Variants in DOCK4 observed in about 807,000 individuals in gnomAD.
DOCK4 encodes dedicator of cytokinesis 4, also known as dedicator of cytokinesis protein 4.
A neutral mutation model predicts 268.1 loss-of-function variants in DOCK4; 97 were observed. The observed-to-expected ratio is 0.36, with a 90% CI of 0.31 to 0.43. The LOEUF (loss-of-function observed/expected upper bound fraction) is 0.43. DOCK4 is among the 20% of genes least tolerant of loss of function. The pLI is 1.00. For synonymous variants in DOCK4, 954 were observed against 887.2 expected, an observed-to-expected ratio of 1.08 and a Z score of -1.34; for missense variants, 2,145 against 2,455.7, an observed-to-expected ratio of 0.87 and a Z score of 2.67.
At chr7:112,130,306 A>G (rs917944766) in intron 1 of DOCK4, among the ~76,000 whole-genome samples, 5 of 152,214 alleles carry the variant, frequency 3.3e-5, no homozygotes, top group African/African-American at 1.2e-4. Context: ...CCCTGGTGCC[A>G]TCTGACAGGT....
At chr7:111,863,688 G>T in intron 22 of DOCK4, 124 bp from the exon 23 acceptor site, 4 of 1,037,998 alleles carry the variant, frequency 3.9e-6, no homozygotes, top group Non-Finnish European at 5.3e-6. Context: ...AGTATGAAAT[G>T]TTTCTGTTAC....
At chr7:111,804,365 C>T (rs984833473) in intron 30 of DOCK4, among the ~76,000 whole-genome samples, 4 of 152,224 alleles carry the variant, frequency 2.6e-5, no homozygotes, top group East Asian at 1.9e-4. Context: ...ATTCCACTTA[C>T]GTGAGGTACC....
At chr7:112,190,559 G>A (rs547562379) in intron 1 of DOCK4, among the ~76,000 whole-genome samples, 1 of 152,238 alleles carries the variant, frequency 6.6e-6, no homozygotes, top group South Asian at 2.1e-4. Context: ...TAGGATGGAG[G>A]ACAGCGTATG....
At chr7:111,768,802 G>C (rs772062831) in intron 37 of DOCK4, among the ~76,000 whole-genome samples, 21 of 152,222 alleles carry the variant, frequency 1.4e-4, no homozygotes, top group Non-Finnish European at 2.9e-4. Context: ...AATTTCGGGA[G>C]AGTGTGAAGG....
chr7:111,942,508 A>C (rs1335894934), intron 10 of DOCK4, among the ~76,000 whole-genome samples: 1 of 151,988 alleles, frequency 6.6e-6, no homozygotes, highest in Admixed American at 6.6e-5. Flanking sequence ...GGTTCTCTTC[A>C]CCGCCTTGCC....
At chr7:111,839,639 G>A (rs1476902990) in intron 25 of DOCK4, among the ~76,000 whole-genome samples, 1 of 151,912 alleles carries the variant, frequency 6.6e-6, no homozygotes, top group African/African-American at 2.4e-5. Flanking sequence ...TAATCCCTTG[G>A]GCATTTATGA....
intron 1 of DOCK4, among the ~76,000 whole-genome samples, chr7:112,087,525 A>T (rs1809208350): frequency 6.6e-6 from 1 of 152,170 alleles, no homozygotes; most frequent in Admixed American, 6.6e-5. Flanking sequence ...AATATCCTGC[A>T]GCTCTGGAAT....
At chr7:112,118,759 T>G (rs909394317) in intron 1 of DOCK4, among the ~76,000 whole-genome samples, 1 of 152,188 alleles carries the variant, frequency 6.6e-6, no homozygotes, top group Non-Finnish European at 1.5e-5. Context: ...CAAGCCTGTT[T>G]GGCAAGGGGA....
intron 1 of DOCK4, among the ~76,000 whole-genome samples, chr7:112,057,241 C>T (rs918688247): frequency 1.3e-5 from 2 of 151,876 alleles, no homozygotes; most frequent in Admixed American, 1.3e-4. Context: ...GAACAAGGCC[C>T]CATCTCTTAA....
chr7:111,790,800 C>T (rs142310563), intron 30 of DOCK4, among the ~76,000 whole-genome samples, 195 bp from the exon 31 acceptor site: 5,003 of 151,974 alleles, frequency 0.033, 289 homozygotes, highest in African/African-American at 0.11. Context: ...TGGCTCACGC[C>T]TGTAATCCCA....
chr7:111,805,769 T>C (rs551788730), intron 30 of DOCK4, among the ~76,000 whole-genome samples: 2 of 152,326 alleles, frequency 1.3e-5, no homozygotes, highest in East Asian at 3.9e-4. Context: ...AAAAGTATTA[T>C]CCAGCAAAAT....
intron 10 of DOCK4, 47 bp from the exon 11 acceptor site, chr7:111,940,289 G>T: frequency 6.2e-7 from 1 of 1,612,648 alleles, no homozygotes. Flanking sequence ...CATTTGATTA[G>T]ATGCATCTTA....
At chr7:111,845,724 C>A (rs1249341487) in intron 24 of DOCK4, among the ~76,000 whole-genome samples, 2 of 152,126 alleles carry the variant, frequency 1.3e-5, no homozygotes, top group African/African-American at 4.8e-5. Flanking sequence ...GATTTTCCCT[C>A]CAGTGACTTG....
intron 39 of DOCK4, 60 bp from the exon 40 acceptor site, chr7:111,760,382 C>A: frequency 1.3e-6 from 2 of 1,542,910 alleles, no homozygotes; most frequent in Admixed American, 1.8e-5. Context: ...ACAGACAGAG[C>A]CAAAAAACAT....
At chr7:111,984,137 T>C (rs1224217724) in intron 7 of DOCK4, among the ~76,000 whole-genome samples, 169 bp downstream of exon 7, 2 of 152,154 alleles carry the variant, frequency 1.3e-5, no homozygotes, top group African/African-American at 2.4e-5. Context: ...AGACAGGTAG[T>C]GTCTCAGTAC....
chr7:112,030,807 A>G (rs1803208800), intron 1 of DOCK4, among the ~76,000 whole-genome samples: 2 of 152,204 alleles, frequency 1.3e-5, no homozygotes, highest in African/African-American at 4.8e-5. Flanking sequence ...AGGCTAAGTC[A>G]GCTCCTCAGA....
intron 39 of DOCK4, among the ~76,000 whole-genome samples, chr7:111,761,908 T>G (rs1429022675): frequency 6.6e-6 from 1 of 152,252 alleles, no homozygotes; most frequent in East Asian, 1.9e-4. Flanking sequence ...TTAAAAATTC[T>G]ACTCAAAAGA....
intron 1 of DOCK4, among the ~76,000 whole-genome samples, chr7:112,203,067 G>C (rs1192059177): frequency 6.6e-6 from 1 of 152,200 alleles, no homozygotes; most frequent in South Asian, 2.1e-4. Context: ...TTAGTTGGAA[G>C]AGCTCTACAA....
At chr7:111,955,077 A>G (rs1047052199) in intron 8 of DOCK4, among the ~76,000 whole-genome samples, 4 of 152,188 alleles carry the variant, frequency 2.6e-5, no homozygotes, top group Non-Finnish European at 5.9e-5. Context: ...GTATACCAGA[A>G]AACAGGCAAT....
Sources: gnomAD v4.1 joint callset for allele counts (sites outside exome capture counted in the v4.1 genomes callset) on GRCh38, gnomAD v4.1.1 for gene constraint, MANE v1.5 for transcripts, NCBI Gene and HGNC (gene_info 2026-07-23, HGNC 2026-07-21) for gene names.